Variants in STRN4 observed in about 807,000 individuals in gnomAD.
STRN4 encodes striatin 4, also known as striatin-4.
A neutral mutation model predicts 77.9 loss-of-function variants in STRN4; 27 were observed. The observed-to-expected ratio is 0.35, with a 90% CI of 0.26 to 0.48. The LOEUF is 0.48. Ranked by LOEUF, STRN4 falls within the 20% of genes least tolerant of loss-of-function variation. The probability of loss-of-function intolerance (pLI) is 0.99; values close to 1 mark genes in which losing one functional copy is unlikely to be tolerated. For synonymous variants in STRN4, 466 were observed against 443.1 expected (o/e 1.05, Z -0.65); for missense variants, 798 against 1,049.7 (o/e 0.76, Z 3.31).
chr19:46,732,977 C>A (rs1281930539), intron 5 of STRN4, 62 bp downstream of exon 5: 4 of 1,553,822 alleles, frequency 2.6e-6, no homozygotes, highest in Non-Finnish European at 3.5e-6. Context: ...ACACTCTGAC[C>A]CTGGCCTTCA....
Position 46,729,763 on chromosome 19 carries a change from C to A in STRN4, c.879+969G>T, listed in dbSNP as rs567518217. On this transcript the variant is annotated intron_variant, in intron 6 of 17. Transcript: ENST00000263280. ...CTACTGAGCACTTGGGGGACAGCCA[C>A]CATGCAGCTGAGGGCTTCCTGGGCA... Among the ~76,000 whole-genome samples the A allele has an allele frequency of 2.0e-5, 3 of 152,302 alleles. No individual in the cohort carries two copies. The South Asian group carries it at 6.2e-4, about 32-fold the overall frequency.
Position 46,724,831 on chromosome 19 carries a change from T to C in STRN4, c.1570A>G (p.Ser524Gly). The C allele has an allele frequency of 1.2e-6, 2 of 1,613,898 alleles. No homozygotes were observed. Among genetic ancestry groups the C allele is most frequent in the Non-Finnish European group, 1.7e-6 (2 of 1,180,002 alleles). The change falls in exon 12 of 18, where the codon AGC (serine) becomes GGC (glycine). Residue 524 changes from serine (S) to glycine (G), a missense_variant. This residue lies in a region of STRN4 where 287 missense variants were observed against 473.8 expected (regional missense o/e 0.61). Coordinates refer to ENST00000263280, the MANE Select transcript of STRN4 (RefSeq NM_013403.3). ...CIHSWKIPDL[S>G]MDPYDGYDPS... ...CCGTAGCCATCATAGGGATCCATGC[T>C]GAGGTCTGGAATCTTCCAACTATGG...
Position 46,719,659 on chromosome 19 carries a change from C to G in STRN4, c.*746G>C, listed in dbSNP as rs2053930370. The G allele has an allele frequency of 6.6e-6, 1 of 151,062 alleles. No individual in the cohort carries two copies. The highest frequency in any genetic ancestry group is 1.5e-5 in the Non-Finnish European group (1 of 67,542). The allele number at this position is 151,062 out of a possible 1,614,324, so 9.4% of individuals were successfully genotyped here. ...AATAAATAGAGGGAAAGAGTGGAGA[C>G]AGGGAGGAGACTGACTGAGACCATC... On this transcript the variant is annotated 3_prime_UTR_variant, in exon 18 of 18. Coordinates refer to ENST00000263280, the MANE Select transcript of STRN4 (RefSeq NM_013403.3).
intron 9 of STRN4, 63 bp downstream of exon 9, chr19:46,727,389 G>A: frequency 7.1e-7 from 1 of 1,417,744 alleles, no homozygotes; most frequent in Non-Finnish European, 9.8e-7. Flanking sequence ...GTCAGAGCTT[G>A]CAGGGGCTGG....
rs999313996 is a variant in STRN4 at position 46,738,820 on chromosome 19, C to G, written c.351G>C (p.Arg117=). The stretch of plus-strand genomic sequence containing the variant: ...TCAGCGCATACTCTAGCATCTTGAT[C>G]CGCCGCACCAGGTCCGTCTTTAGAT... ...QENLKTDLVR[R]IKMLEYALKQ... is the part of the protein sequence containing the mutation. The change falls in exon 2 of 18, where the codon CGG becomes CGC. Residue 117 remains arginine (R), a synonymous_variant. Transcript: ENST00000263280. This position sits in a 1 kb window ranked among gnomAD's most constrained non-coding sequence, Gnocchi z 4.5. 3.1e-6 allele frequency: 5 copies of G among 1,614,070 alleles called. No individual in the cohort carries two copies. The highest frequency in any genetic ancestry group is 3.4e-6 in the Non-Finnish European group (4 of 1,180,044).
At chr19:46,728,463 C>T in intron 7 of STRN4, 155 bp downstream of exon 7, 1 of 1,057,602 alleles carries the variant, frequency 9.5e-7, no homozygotes, top group African/African-American at 1.6e-5. Context: ...CGGCCATGAC[C>T]TGGGCCTCCT....
chr19:46,745,459 T>TC (rs1466973000), intron 1 of STRN4, among the ~76,000 whole-genome samples: 6 of 152,034 alleles, frequency 3.9e-5, no homozygotes, highest in African/African-American at 1.2e-4. Context: ...GAAACCCTCC[T>TC]CCCACCCCTC....
At chr19:46,727,392 G>A in intron 9 of STRN4, 60 bp downstream of exon 9, 1 of 1,450,944 alleles carries the variant, frequency 6.9e-7, no homozygotes, top group Non-Finnish European at 9.6e-7. Context: ...AGAGCTTGCA[G>A]GGGCTGGCCC....
At chr19:46,744,255 C>G (rs186014387) in intron 1 of STRN4, among the ~76,000 whole-genome samples, 1 of 152,184 alleles carries the variant, frequency 6.6e-6, no homozygotes, top group African/African-American at 2.4e-5. Context: ...GAAAGAGCTT[C>G]GGAAGTAGAG....
At position 46,725,531 on chromosome 19, in the gene STRN4, C is replaced by T. The variant is rs1170348204; in HGVS notation, c.1366G>A (p.Ala456Thr). 5 of 1,614,060 alleles carry T rather than the reference C, an allele frequency of 3.1e-6. No homozygotes were observed. Among genetic ancestry groups the T allele is most frequent in the Non-Finnish European group, 4.2e-6 (5 of 1,180,044 alleles). ...FHHSQSALLT[A>T]SEDGTLKLWN... is the part of the protein sequence containing the mutation. ...AGCTTGAGCGTGCCGTCCTCGGAGG[C>T]GGTGAGCAGAGCCGACTGGCTGTGG... is the stretch of plus-strand genomic sequence containing the variant. The change falls in exon 10 of 18, where the codon GCC (alanine) becomes ACC (threonine). Residue 456 changes from alanine (A) to threonine (T), a missense_variant. Coordinates refer to ENST00000263280, the MANE Select transcript of STRN4 (RefSeq NM_013403.3).
At chr19:46,724,478 G>A (rs899507526) in intron 12 of STRN4, among the ~76,000 whole-genome samples, 1 of 152,214 alleles carries the variant, frequency 6.6e-6, no homozygotes, top group Non-Finnish European at 1.5e-5. Context: ...TACACGGCAT[G>A]GCAGAGCAGA....
intron 5 of STRN4, chr19:46,732,777 G>A (rs1057055798): frequency 2.2e-6 from 1 of 464,646 alleles, no homozygotes; most frequent in Non-Finnish European, 3.9e-6. Context: ...CCACTCGACC[G>A]AGAAGCGGGC....
chr19:46,728,066 G>A (rs2054162704), intron 7 of STRN4, 59 bp from the exon 8 acceptor site: 2 of 1,492,490 alleles, frequency 1.3e-6, no homozygotes, highest in East Asian at 4.6e-5. Context: ...GTCTGGCATA[G>A]GTGACGCCTT....
chr19:46,738,070 A>G lies in STRN4; in HGVS notation c.460+94T>C. 1 of 1,310,380 alleles carries G rather than the reference A, an allele frequency of 7.6e-7. No homozygotes were observed. Among genetic ancestry groups the G allele is most frequent in the Non-Finnish European group, 1.1e-6 (1 of 903,796 alleles). The allele number at this position is 1,310,380 out of a possible 1,614,324, so 81.2% of individuals were successfully genotyped here. ...GGGCCGATTCTGCCTTCTAAGGAGC[A>G]AAGTGAGAAAGAGGCACCCCATCTT... On this transcript the variant is annotated intron_variant, in intron 3 of 17. Coordinates refer to ENST00000263280, the MANE Select transcript of STRN4 (RefSeq NM_013403.3). The surrounding 1 kb of genome is among the most constrained non-coding windows in gnomAD (Gnocchi z 4.5).
Position 46,727,944 on chromosome 19 carries a change from G to T in STRN4, c.1103C>A (p.Pro368Gln). The part of the protein sequence containing the change: ...ADLRDVDGLP[P>Q]KVTGPPPGTP... ...GCCAGGAGGCGGGCCAGTCACTTTT[G>T]GGGGCAGCCCATCCACATCCCGCAG... The change falls in exon 8 of 18, where the codon CCA becomes CAA. Residue 368 changes from proline to glutamine, a missense_variant. Physicochemically the swap from Pro to Gln is moderately conservative, Grantham distance 76. Transcript: ENST00000263280. 6.2e-7 allele frequency: 1 copy of T among 1,613,570 alleles called. No individual in the cohort carries two copies. The highest frequency in any genetic ancestry group is 8.5e-7 in the Non-Finnish European group (1 of 1,179,740).
At chr19:46,726,738 T>C (rs902982603) in intron 9 of STRN4, among the ~76,000 whole-genome samples, 6 of 152,210 alleles carry the variant, frequency 3.9e-5, no homozygotes, top group Non-Finnish European at 5.9e-5. Flanking sequence ...TGCCCCAAGA[T>C]GGGCTCCCAG....
chr19:46,728,370 G>C lies in STRN4; in HGVS notation c.1039+248C>G, dbSNP rs995722568. On this transcript the variant is annotated intron_variant, in intron 7 of 17. Transcript: ENST00000263280. ...CAGCCAGAGCTGGACGCCCGCCCTGGAGGGCTGGCGGCCCCACTTCAGGAA... is the reference window on the plus strand; with the variant it reads ...CAGCCAGAGCTGGACGCCCGCCCTGCAGGGCTGGCGGCCCCACTTCAGGAA... The C allele has an allele frequency of 1.2e-5, 7 of 601,736 alleles. No homozygotes were observed. In the East Asian group the frequency reaches 2.0e-4, roughly 17 times the overall value. The allele number at this position is 601,736 out of a possible 1,614,324, so 37.3% of individuals were successfully genotyped here.
Position 46,722,708 on chromosome 19 carries a change from A to G in STRN4, c.1906+102T>C, listed in dbSNP as rs564333449. The G allele has an allele frequency of 9.5e-5, 143 of 1,513,070 alleles. 1 individual carries two copies. In the South Asian group the frequency reaches 1.6e-3, roughly 17 times the overall value. The allele number at this position is 1,513,070 out of a possible 1,614,324, so 93.7% of individuals were successfully genotyped here. On this transcript the variant is annotated intron_variant, in intron 14 of 17. Transcript: ENST00000263280. ...TGCTCAGGGCCTGAGGGTGCAGGGG[A>G]GTCATCTGAGCTGACTGACAAGGGG...
At position 46,728,656 on chromosome 19, in the gene STRN4, G is replaced by C; in HGVS notation, c.1001C>G (p.Pro334Arg). The part of the protein sequence containing the change: ...SGEDGEGAPD[P>R]RRCTVDGSPH... ...GCTCCCATCCACAGTGCACCGCCGAGGGTCTGGAGCCCCTTCCCCATCCTC... is the reference window on the plus strand; with the variant it reads ...GCTCCCATCCACAGTGCACCGCCGACGGTCTGGAGCCCCTTCCCCATCCTC... The change falls in exon 7 of 18, where the codon CCT (proline) becomes CGT (arginine). Residue 334 changes from proline (P) to arginine (R), a missense_variant. By Grantham distance (103) the Pro-to-Arg change is moderately radical. Transcript: ENST00000263280. 6.2e-7 allele frequency: 1 copy of C among 1,614,084 alleles called. No homozygotes were observed. Among genetic ancestry groups the C allele is most frequent in the African/African-American group, 1.3e-5 (1 of 75,052 alleles).
Sources: allele counts gnomAD v4.1 joint callset (sites outside exome capture counted in the v4.1 genomes callset), GRCh38; gene constraint gnomAD v4.1.1; regional missense constraint gnomAD v4.1.1; non-coding constraint Gnocchi (gnomAD v3.1); transcripts MANE v1.5; gene names NCBI Gene and HGNC (gene_info 2026-07-23, HGNC 2026-07-21).